Variants in CDK6 observed in about 807,000 individuals in gnomAD.
CDK6 encodes the protein cyclin-dependent kinase 6.
A neutral mutation model predicts 37.1 loss-of-function variants in CDK6; 6 were observed. The ratio of observed to expected loss-of-function variants is 0.16; its 90% confidence interval spans 0.09 to 0.32. CDK6 has a LOEUF of 0.32. Ranked by LOEUF, CDK6 falls within the 10% of genes least tolerant of loss-of-function variation. The pLI is 1.00. For missense variants in CDK6, 224 were observed against 418.9 expected (o/e 0.53, Z 4.06); for synonymous variants, 160 against 161.3 (o/e 0.99, Z 0.06).
intron 6 of CDK6, among the ~76,000 whole-genome samples, chr7:92,621,228 G>A (rs1156545617): frequency 6.6e-6 from 1 of 152,154 alleles, no homozygotes; most frequent in Non-Finnish European, 1.5e-5. Context: ...GCATTCAGAG[G>A]AAACAGAACA....
At chr7:92,665,748 C>A (rs1450673493) in intron 5 of CDK6, among the ~76,000 whole-genome samples, 1 of 152,170 alleles carries the variant, frequency 6.6e-6, no homozygotes, top group African/African-American at 2.4e-5. Flanking sequence ...TGCTACATCA[C>A]AGTAATACAC....
intron 2 of CDK6, among the ~76,000 whole-genome samples, chr7:92,787,397 A>G (rs1411906619): frequency 6.6e-6 from 1 of 152,084 alleles, no homozygotes; most frequent in Non-Finnish European, 1.5e-5. Flanking sequence ...ACTTTTCTTC[A>G]ATCTGTTCCT....
intron 5 of CDK6, among the ~76,000 whole-genome samples, chr7:92,623,508 C>T (rs1452866098): frequency 6.6e-6 from 1 of 152,172 alleles, no homozygotes; most frequent in African/African-American, 2.4e-5. Flanking sequence ...AGAGTACTTC[C>T]TCATGGGTCT....
chr7:92,688,206 C>T (rs1165096899), intron 4 of CDK6, among the ~76,000 whole-genome samples: 1 of 152,102 alleles, frequency 6.6e-6, no homozygotes, highest in Admixed American at 6.5e-5. Context: ...TTTTACACTC[C>T]CACCAGAAAT....
intron 4 of CDK6, among the ~76,000 whole-genome samples, chr7:92,695,297 A>G (rs1360628749): frequency 6.6e-6 from 1 of 151,886 alleles, no homozygotes; most frequent in East Asian, 1.9e-4. Context: ...AAAGAAAGAA[A>G]GAAAGAAAAA....
chr7:92,750,887 G>A (rs970402153), intron 3 of CDK6, among the ~76,000 whole-genome samples: 1 of 152,174 alleles, frequency 6.6e-6, no homozygotes, highest in African/African-American at 2.4e-5. Flanking sequence ...TAATGACAGA[G>A]TTTTCAACAG....
chr7:92,706,318 T>C (rs1012547405), intron 4 of CDK6, among the ~76,000 whole-genome samples: 34 of 152,342 alleles, frequency 2.2e-4, no homozygotes, highest in African/African-American at 6.7e-4. Context: ...AGGATGGCCT[T>C]GAGCCCAGGA....
chr7:92,814,639 G>A (rs2115955230), intron 2 of CDK6, among the ~76,000 whole-genome samples: 1 of 150,786 alleles, frequency 6.6e-6, no homozygotes, highest in Non-Finnish European at 1.5e-5. Context: ...TCAAAATGGT[G>A]GACCTATCAC....
intron 2 of CDK6, among the ~76,000 whole-genome samples, chr7:92,786,056 C>T (rs542370075): frequency 4.6e-5 from 7 of 152,240 alleles, no homozygotes; most frequent in Admixed American, 3.3e-4. Context: ...AAAAGCAAAG[C>T]GAACAGCTCT....
intron 5 of CDK6, among the ~76,000 whole-genome samples, chr7:92,650,070 C>T (rs1796538427): frequency 6.6e-6 from 1 of 152,178 alleles, no homozygotes; most frequent in South Asian, 2.1e-4. Flanking sequence ...CAATTTGTTA[C>T]TATATGCAAT....
intron 2 of CDK6, among the ~76,000 whole-genome samples, chr7:92,778,924 CATAT>C (rs145888983): frequency 1.8e-5 from 2 of 109,032 alleles, no homozygotes; most frequent in Non-Finnish European, 3.5e-5. Context: ...TATAGTTTAT[CATAT>C]ATATATATAT....
chr7:92,799,488 TTCCATAG>T (rs1233876942), intron 2 of CDK6, among the ~76,000 whole-genome samples: 1 of 151,074 alleles, frequency 6.6e-6, no homozygotes, highest in Non-Finnish European at 1.5e-5. Context: ...AGTCTCAAGT[TTCCATAG>T]TCTTTTTTTT....
chr7:92,702,839 G>T (rs956223363), intron 4 of CDK6, among the ~76,000 whole-genome samples: 2 of 152,124 alleles, frequency 1.3e-5, no homozygotes, highest in Non-Finnish European at 2.9e-5. Context: ...ATGTTAAGGG[G>T]TTTCTCAATC....
At chr7:92,831,089 G>C (rs548823492) in intron 2 of CDK6, among the ~76,000 whole-genome samples, 1 of 152,218 alleles carries the variant, frequency 6.6e-6, no homozygotes, top group East Asian at 1.9e-4. Context: ...ACCTTAACAC[G>C]TAAAAATAAT....
intron 4 of CDK6, among the ~76,000 whole-genome samples, chr7:92,722,133 A>G (rs1357466077): frequency 6.6e-6 from 1 of 152,162 alleles, no homozygotes; most frequent in Non-Finnish European, 1.5e-5. Context: ...ACAAGCTTTT[A>G]TAATTGTTCA....
At chr7:92,721,732 C>T (rs892598122) in intron 4 of CDK6, among the ~76,000 whole-genome samples, 2 of 152,194 alleles carry the variant, frequency 1.3e-5, no homozygotes, top group African/African-American at 2.4e-5. Flanking sequence ...ATACCACCTA[C>T]AGCTACAACT....
At chr7:92,703,139 A>G (rs1003246271) in intron 4 of CDK6, among the ~76,000 whole-genome samples, 5 of 152,190 alleles carry the variant, frequency 3.3e-5, no homozygotes, top group Non-Finnish European at 5.9e-5. Flanking sequence ...GATCTCAAAA[A>G]TGCCCATGGT....
At chr7:92,654,776 C>T (rs777794491) in intron 5 of CDK6, among the ~76,000 whole-genome samples, 3 of 152,034 alleles carry the variant, frequency 2.0e-5, no homozygotes, top group Non-Finnish European at 2.9e-5. Flanking sequence ...AACAAGGGGA[C>T]TTGAGGGAGG....
At chr7:92,761,254 C>T (rs1203199221) in intron 3 of CDK6, among the ~76,000 whole-genome samples, 4 of 152,038 alleles carry the variant, frequency 2.6e-5, no homozygotes, top group South Asian at 2.1e-4. Context: ...TATTTGTTTA[C>T]ATATTATTAT....
Sources: gnomAD v4.1 joint callset for allele counts (sites outside exome capture counted in the v4.1 genomes callset) on GRCh38, gnomAD v4.1.1 for gene constraint, MANE v1.5 for transcripts, NCBI Gene and HGNC (gene_info 2026-07-23, HGNC 2026-07-21) for gene names.